The following FAM83E variants were observed in gnomAD, a reference collection of about 807,000 sequenced individuals.
The protein encoded by FAM83E is scaffolding CK1 anchoring protein E, also known as protein FAM83E.
A neutral mutation model predicts 34.3 loss-of-function variants in FAM83E; 29 were observed. That is an observed-to-expected ratio of 0.85 (90% CI 0.63 to 1.15). The LOEUF (loss-of-function observed/expected upper bound fraction) is 1.15, where lower values mean the gene tolerates loss of function less well. Ranked by LOEUF, FAM83E falls within the 50% of genes most tolerant of loss-of-function variation. FAM83E has a pLI of 0.00. For synonymous variants in FAM83E, 312 were observed against 311.6 expected, an observed-to-expected ratio of 1.00 and a Z score of -0.01; for missense variants, 697 against 685.0, an observed-to-expected ratio of 1.02 and a Z score of -0.20.
At position 48,608,875 on chromosome 19, in the gene FAM83E, G is replaced by A. The variant is rs1482621756; in HGVS notation, c.758+1001C>T. Among the ~76,000 whole-genome samples, 5 of 151,938 alleles carry A rather than the reference G, an allele frequency of 3.3e-5. No homozygotes were observed. In the East Asian group the frequency reaches 9.7e-4, roughly 29 times the overall value. ...AGTGGGCATCTGCGCTGTCTGGAGA[G>A]GTTTTCGGTTCTCTAATTGGCAGGG... On this transcript the variant is annotated intron_variant, in intron 5 of 6. Transcript: ENST00000263266.
rs528316405 is a variant in FAM83E at position 48,613,965 on chromosome 19, C to T, written c.-593G>A. 3.2e-4 allele frequency: 320 copies of T among 985,340 alleles called. 1 individual carries two copies. Among genetic ancestry groups the T allele is most frequent in the African/African-American group, 2.8e-3 (161 of 57,320 alleles). 61.0% of individuals were successfully genotyped at this position (985,340 alleles called of 1,614,324 possible). A position where few individuals can be genotyped will look rare whatever the true frequency, so the allele number is the denominator to read the frequency against. On this transcript the variant is annotated 5_prime_UTR_variant, in exon 3 of 7. Coordinates refer to ENST00000263266, the MANE Select transcript of FAM83E (RefSeq NM_017708.4). ...CCCTCTCCTTCCACTGTCTGGCAAA[C>T]GCCAATGGCTTCCGACTGACAGTCA...
chr19:48,603,438 G>A lies in FAM83E; in HGVS notation c.1176+56C>T, dbSNP rs1294387440. The A allele has an allele frequency of 3.4e-6, 5 of 1,449,310 alleles. No individual in the cohort carries two copies. In the South Asian group the frequency reaches 5.7e-5, roughly 16 times the overall value. The allele number at this position is 1,449,310 out of a possible 1,614,324, so 89.8% of individuals were successfully genotyped here. ...TGGAGCCTGGCTTGCACCACCCTGG[G>A]CAAACGCCTTCCCCTTCCTGGGCTC... On this transcript the variant is annotated intron_variant, in intron 6 of 6. Transcript: ENST00000263266.
At chr19:48,607,134 G>A (rs768593682) in intron 5 of FAM83E, 2 of 1,612,874 alleles carry the variant, frequency 1.2e-6, no homozygotes, top group South Asian at 2.2e-5. Context: ...CAGGCCACGG[G>A]GTCGCCCCGG....
In FAM83E at chr19:48,603,605, C is replaced by G; in HGVS notation, c.1065G>C (p.Arg355Ser). The change falls in exon 6 of 7, where the codon AGG becomes AGC. Residue 355 changes from arginine to serine, a missense_variant. By Grantham distance (110) the Arg-to-Ser change is moderately radical. Coordinates refer to ENST00000263266, the MANE Select transcript of FAM83E (RefSeq NM_017708.4). The stretch of plus-strand genomic sequence containing the variant: ...TGGGGGTCCGGGCGCGCTGCACACT[C>G]CTTAGAATGTCACTGAGTGCCGGCC... ...TPGPALSDILRSVQRARTPSG... is the reference protein window; with the variant it reads ...TPGPALSDILSSVQRARTPSG... 1 of 1,484,430 alleles carries G rather than the reference C, an allele frequency of 6.7e-7. No individual in the cohort carries two copies. The allele number at this position is 1,484,430 out of a possible 1,614,324, so 92.0% of individuals were successfully genotyped here.
chr19:48,609,759 A>G (rs1218715854), intron 5 of FAM83E, 117 bp downstream of exon 5: 7 of 1,188,656 alleles, frequency 5.9e-6, no homozygotes, highest in Non-Finnish European at 8.4e-6. Flanking sequence ...TTTTGCCCCC[A>G]TTACACAGAT....
rs925550404 is a variant in FAM83E, at chr19:48,614,507, T to C, written c.-1135A>G. The stretch of plus-strand genomic sequence containing the variant: ...CTGTCTCCCTCCCAAGCCTCAGTTA[T>C]CCCCTTGAGGCTCCTGACCCAACCT... On this transcript the variant is annotated 5_prime_UTR_variant, in exon 3 of 7. Transcript: ENST00000263266. 1.0e-6 allele frequency: 1 copy of C among 985,384 alleles called. No homozygotes were observed. Among genetic ancestry groups the C allele is most frequent in the Non-Finnish European group, 1.2e-6 (1 of 830,080 alleles). 61.0% of individuals were successfully genotyped at this position (985,384 alleles called of 1,614,324 possible). A position where few individuals can be genotyped will look rare whatever the true frequency, so the allele number is the denominator to read the frequency against.
chr19:48,605,571 T>C (rs1180693569), intron 5 of FAM83E, among the ~76,000 whole-genome samples: 1 of 60,496 alleles, frequency 1.7e-5, no homozygotes, highest in Admixed American at 1.3e-4. Context: ...CAAGATCCTA[T>C]TTTTTTTTTT....
chr19:48,601,925 T>C (rs1297072528), intron 6 of FAM83E, among the ~76,000 whole-genome samples: 1 of 151,060 alleles, frequency 6.6e-6, no homozygotes, highest in Non-Finnish European at 1.5e-5. Context: ...GAGGATTGCT[T>C]GAGCTCAGGA....
In FAM83E at chr19:48,605,297, G is replaced by A. The variant is rs150810961; in HGVS notation, c.759-1386C>T. Among the ~76,000 whole-genome samples the A allele has an allele frequency of 1.3e-3, 192 of 152,104 alleles. 2 individuals carry two copies. Among genetic ancestry groups the A allele is most frequent in the African/African-American group, 4.2e-3 (174 of 41,544 alleles). On this transcript the variant is annotated intron_variant, in intron 5 of 6. Coordinates refer to ENST00000263266, the MANE Select transcript of FAM83E (RefSeq NM_017708.4). The stretch of plus-strand genomic sequence containing the variant: ...TGGAGCAAAAACCTAGGAAGGCCGT[G>A]TGCAGTGGCTCATGCCTGTAATCCC...
rs759381043 is a variant in FAM83E at position 48,609,864 on chromosome 19, CG to C, written c.758+11del. 3.8e-5 allele frequency: 60 copies of C among 1,577,470 alleles called. No individual in the cohort carries two copies. The Middle Eastern group carries it at 7.0e-4, about 18-fold the overall frequency. On this transcript the variant is annotated intron_variant, in intron 5 of 6. Transcript: ENST00000263266. Reference sequence around the variant, plus strand: ...GGACGCCGGGAGGTGGGGGGCGGGGCGGGGGCTACACCTGTAGGATCCTGAG... The same window carrying C: ...GGACGCCGGGAGGTGGGGGGCGGGGCGGGGCTACACCTGTAGGATCCTGAG...
At chr19:48,607,278 G>A (rs764565869) in intron 5 of FAM83E, 19 of 1,601,672 alleles carry the variant, frequency 1.2e-5, no homozygotes, top group African/African-American at 5.3e-5. Flanking sequence ...ACAGAGCCCC[G>A]AGCAGCCAGA....
At position 48,614,989 on chromosome 19, in the gene FAM83E, C is replaced by CG. The variant is rs779871694; in HGVS notation, c.-1441dup. 3.4e-5 allele frequency: 7 copies of CG among 205,170 alleles called. No individual in the cohort carries two copies. The highest frequency in any genetic ancestry group is 6.3e-5 in the Admixed American group (1 of 15,904). 12.7% of individuals were successfully genotyped at this position (205,170 alleles called of 1,614,324 possible). ...CTCTAGACTCAGGCTTCCCGGTCCC[C>CG]GGGGGGTTGAGATTGCCTCACCTGT... On this transcript the variant is annotated 5_prime_UTR_variant, in exon 1 of 7. Coordinates refer to ENST00000263266, the MANE Select transcript of FAM83E (RefSeq NM_017708.4).
chr19:48,608,432 T>A (rs1308892623), intron 5 of FAM83E, among the ~76,000 whole-genome samples: 1 of 138,324 alleles, frequency 7.2e-6, no homozygotes, highest in Non-Finnish European at 1.5e-5. Context: ...TTTCTTTTTC[T>A]TTTCCTTTTT....
chr19:48,614,439 C>T lies in FAM83E; in HGVS notation c.-1067G>A. 2.0e-6 allele frequency: 2 copies of T among 985,688 alleles called. No individual in the cohort carries two copies. The highest frequency in any genetic ancestry group is 2.4e-6 in the Non-Finnish European group (2 of 830,196). 61.1% of individuals were successfully genotyped at this position (985,688 alleles called of 1,614,324 possible). On this transcript the variant is annotated 5_prime_UTR_variant, in exon 3 of 7. Coordinates refer to ENST00000263266, the MANE Select transcript of FAM83E (RefSeq NM_017708.4). Reference sequence around the variant, plus strand: ...CCTAAATGCTATCTCCTGCCAGCTACCCGGACGCTTCTTCCCGGACAGGGG... The same window carrying T: ...CCTAAATGCTATCTCCTGCCAGCTATCCGGACGCTTCTTCCCGGACAGGGG...
Position 48,603,636 on chromosome 19 carries a change from G to T in FAM83E, c.1034C>A (p.Thr345Asn), listed in dbSNP as rs1973872587. The change falls in exon 6 of 7, where the codon ACC (threonine) becomes AAC (asparagine). Residue 345 changes from threonine to asparagine, a missense_variant. By Grantham distance (65) the Thr-to-Asn change is moderately conservative. Transcript: ENST00000263266. ...AATGTCACTGAGTGCCGGCCCCGGG[G>T]TAGCAGGGGAGACGCGGCAGGCGGC... ...RLAACRVSPATPGPALSDILR... is the reference protein window; with the variant it reads ...RLAACRVSPANPGPALSDILR... 3 of 1,371,206 alleles carry T rather than the reference G, an allele frequency of 2.2e-6. No homozygotes were observed. 84.9% of individuals were successfully genotyped at this position (1,371,206 alleles called of 1,614,324 possible).
intron 6 of FAM83E, among the ~76,000 whole-genome samples, chr19:48,602,442 A>AG (rs1006677242): frequency 6.6e-6 from 1 of 151,064 alleles, no homozygotes; most frequent in Non-Finnish European, 1.5e-5. Flanking sequence ...TAACCTACAG[A>AG]GGGACAAGGA....
At chr19:48,604,044 T>C in intron 5 of FAM83E, 133 bp from the exon 6 acceptor site, 2 of 866,334 alleles carry the variant, frequency 2.3e-6, no homozygotes, top group Non-Finnish European at 3.4e-6. Flanking sequence ...AGCTTCCCTG[T>C]CTGTAGAATG....
At position 48,601,275 on chromosome 19, in the gene FAM83E, C is replaced by A. The variant is rs755403654; in HGVS notation, c.1271G>T (p.Arg424Leu). 1 of 1,588,074 alleles carries A rather than the reference C, an allele frequency of 6.3e-7. No individual in the cohort carries two copies. Among genetic ancestry groups the A allele is most frequent in the Admixed American group, 1.8e-5 (1 of 55,868 alleles). Residue 424 changes from arginine (R) to leucine (L), a missense_variant, in exon 7 of 7, where the codon CGA becomes CTA. Physicochemically the swap from Arg to Leu is moderately radical, Grantham distance 102. Coordinates refer to ENST00000263266, the MANE Select transcript of FAM83E (RefSeq NM_017708.4). Reference sequence around the variant, plus strand: ...GGGCAGGGCACCGCCCCACGGAGGTCGGGAGTCCACTTCCCCCCAGGGGCC... The same window carrying A: ...GGGCAGGGCACCGCCCCACGGAGGTAGGGAGTCCACTTCCCCCCAGGGGCC... ...GGGPWGEVDSRPPWGGALPLP... is the reference protein window; with the variant it reads ...GGGPWGEVDSLPPWGGALPLP...
Position 48,612,964 on chromosome 19 carries a change from C to CT in FAM83E, c.408dup (p.Glu137ArgfsTer30). 6.3e-7 allele frequency: 1 copy of CT among 1,599,474 alleles called. No individual in the cohort carries two copies. Among genetic ancestry groups the CT allele is most frequent in the Non-Finnish European group, 8.5e-7 (1 of 1,173,894 alleles). On this transcript the variant is annotated frameshift_variant, in exon 3 of 7. Coordinates refer to ENST00000263266, the MANE Select transcript of FAM83E (RefSeq NM_017708.4). LOFTEE classifies it high-confidence loss of function. ...AGCTCCTTGAGGGGCGGCTGACCCT[C>CT]TCCAGGAGGCTGGGTGTACAGCTGC... is the stretch of plus-strand genomic sequence containing the variant.
Sources: gnomAD v4.1 joint callset for allele counts (sites outside exome capture counted in the v4.1 genomes callset) on GRCh38, gnomAD v4.1.1 for gene constraint, MANE v1.5 for transcripts, NCBI Gene and HGNC (gene_info 2026-07-23, HGNC 2026-07-21) for gene names.